Variants in LUZP2 observed in about 807,000 individuals in gnomAD.
LUZP2 encodes leucine zipper protein 2.
LUZP2 carries 52 observed loss-of-function variants against 51.6 expected under a neutral mutation model. That is an observed-to-expected ratio of 1.01 (90% confidence interval 0.81 to 1.27). The LOEUF is 1.27. Ranked by LOEUF, LUZP2 falls within the 50% of genes most tolerant of loss-of-function variation. LUZP2 has a pLI of 0.00. For missense variants in LUZP2, 436 were observed against 395.4 expected (o/e 1.10, Z -0.87); for synonymous variants, 154 against 137.3 (o/e 1.12, Z -0.85).
chr11:24,923,121 G>A (rs1415346224), intron 7 of LUZP2, among the ~76,000 whole-genome samples: 1 of 151,694 alleles, frequency 6.6e-6, no homozygotes. Context: ...GTTCTGGGAT[G>A]ACCGGCGTGA....
intron 7 of LUZP2, among the ~76,000 whole-genome samples, chr11:24,961,095 C>T (rs1408337334): frequency 2.6e-5 from 4 of 152,132 alleles, no homozygotes; most frequent in Non-Finnish European, 5.9e-5. Flanking sequence ...AGTTTGATTG[C>T]ACTGTGGTCA....
intron 7 of LUZP2, among the ~76,000 whole-genome samples, chr11:24,949,813 A>C (rs191882672): frequency 6.6e-6 from 1 of 151,722 alleles, no homozygotes; most frequent in East Asian, 1.9e-4. Context: ...TAGAACACGC[A>C]GGTGATCAGA....
At chr11:24,734,571 G>A (rs1418119543) in intron 3 of LUZP2, among the ~76,000 whole-genome samples, 1 of 151,772 alleles carries the variant, frequency 6.6e-6, no homozygotes, top group Non-Finnish European at 1.5e-5. Flanking sequence ...CACAATCAAA[G>A]TTAGAATGGA....
chr11:25,016,171 C>A (rs1019976965), intron 9 of LUZP2, among the ~76,000 whole-genome samples: 1 of 152,042 alleles, frequency 6.6e-6, no homozygotes, highest in Non-Finnish European at 1.5e-5. Context: ...CCGCCCACTT[C>A]GGCCTCCAAA....
intron 9 of LUZP2, among the ~76,000 whole-genome samples, chr11:25,046,365 C>T (rs868131349): frequency 2.0e-5 from 3 of 151,924 alleles, no homozygotes; most frequent in Admixed American, 6.6e-5. Context: ...TGTTGTAGAG[C>T]GGATGCATAA....
At chr11:24,896,251 C>T (rs565088031) in intron 5 of LUZP2, among the ~76,000 whole-genome samples, 6 of 152,162 alleles carry the variant, frequency 3.9e-5, no homozygotes, top group South Asian at 2.1e-4. Flanking sequence ...TGGCCGAGGC[C>T]GGAGCCAGCT....
intron 1 of LUZP2, among the ~76,000 whole-genome samples, chr11:24,655,809 C>A (rs1384362007): frequency 6.6e-6 from 1 of 152,082 alleles, no homozygotes; most frequent in African/African-American, 2.4e-5. Context: ...TGTTTCTTAC[C>A]AATCTCTGGG....
intron 1 of LUZP2, among the ~76,000 whole-genome samples, chr11:24,524,827 C>G (rs984647696): frequency 6.6e-5 from 10 of 151,684 alleles, no homozygotes; most frequent in South Asian, 2.1e-4. Context: ...CCAATCATTA[C>G]TACTTCCACT....
chr11:24,788,882 C>A (rs995222312), intron 5 of LUZP2, among the ~76,000 whole-genome samples: 3 of 152,074 alleles, frequency 2.0e-5, no homozygotes, highest in Non-Finnish European at 4.4e-5. Context: ...GGCCCACCCA[C>A]ATTATGAAGG....
At chr11:24,525,801 GTTATCT>G (rs1850781953) in intron 1 of LUZP2, among the ~76,000 whole-genome samples, 1 of 151,170 alleles carries the variant, frequency 6.6e-6, no homozygotes, top group Non-Finnish European at 1.5e-5. Context: ...TCCTATTTAT[GTTATCT>G]TTTTCTGTGA....
At chr11:24,574,216 CTTTCTTTCTTTCTTTCTTT>C (rs1852542341) in intron 1 of LUZP2, among the ~76,000 whole-genome samples, 3 of 81,854 alleles carry the variant, frequency 3.7e-5, no homozygotes, top group Admixed American at 1.3e-4. Flanking sequence ...TCCTTCCTTT[CTTTCTTTCTTTCTTTCTTT>C]CTTTCTTTCT....
At chr11:24,522,695 C>T (rs76507093) in intron 1 of LUZP2, among the ~76,000 whole-genome samples, 3,720 of 151,894 alleles carry the variant, frequency 0.024, 68 homozygotes, top group Non-Finnish European at 0.036. Context: ...ATAATCCACT[C>T]GGAAAGGATG....
intron 1 of LUZP2, among the ~76,000 whole-genome samples, chr11:24,583,351 G>T (rs950756925): frequency 1.3e-5 from 2 of 152,048 alleles, no homozygotes; most frequent in African/African-American, 4.8e-5. Flanking sequence ...CTAGGCCAAT[G>T]GGCTCTGTTC....
chr11:24,832,473 A>C (rs918880399), intron 5 of LUZP2, among the ~76,000 whole-genome samples: 8 of 152,042 alleles, frequency 5.3e-5, no homozygotes, highest in African/African-American at 1.9e-4. Context: ...GTTGCTTTAT[A>C]AACATAAAAT....
chr11:24,571,430 T>C (rs942935977), intron 1 of LUZP2, among the ~76,000 whole-genome samples: 2 of 152,058 alleles, frequency 1.3e-5, no homozygotes, highest in African/African-American at 4.8e-5. Context: ...TATATTTATA[T>C]TTTCCCTGCC....
chr11:24,916,108 A>G (rs1392831155), intron 7 of LUZP2, among the ~76,000 whole-genome samples: 7 of 152,006 alleles, frequency 4.6e-5, no homozygotes, highest in African/African-American at 7.2e-5. Flanking sequence ...TGCAAGGCAT[A>G]ATGATGAATT....
chr11:24,677,933 A>G (rs1316048483), intron 1 of LUZP2, among the ~76,000 whole-genome samples: 2 of 152,116 alleles, frequency 1.3e-5, no homozygotes, highest in South Asian at 4.1e-4. Context: ...GCTACTCGGG[A>G]GGCTGAGGCA....
chr11:24,650,261 T>C (rs1228064299), intron 1 of LUZP2, among the ~76,000 whole-genome samples: 1 of 152,028 alleles, frequency 6.6e-6, no homozygotes, highest in Admixed American at 6.6e-5. Context: ...ATATCTATAG[T>C]GTTATTTTAT....
chr11:24,678,999 G>A (rs7118149), intron 1 of LUZP2, among the ~76,000 whole-genome samples: 69,926 of 152,078 alleles, frequency 0.46, 16,707 homozygotes, highest in East Asian at 0.58. Flanking sequence ...TGAGTTGTGA[G>A]AGGTATTTTT....
Sources: gnomAD v4.1 joint callset for allele counts (sites outside exome capture counted in the v4.1 genomes callset) on GRCh38, gnomAD v4.1.1 for gene constraint, MANE v1.5 for transcripts, NCBI Gene and HGNC (gene_info 2026-07-23, HGNC 2026-07-21) for gene names.